NMUR2: variants seen among roughly 807,000 people sequenced by gnomAD.
The protein encoded by NMUR2 is neuromedin-U receptor 2.
Under a neutral mutation model 25.1 loss-of-function variants are expected in NMUR2, and 24 were observed. That is an observed-to-expected ratio of 0.96 (90% CI 0.69 to 1.34). The LOEUF (loss-of-function observed/expected upper bound fraction) is 1.34. Among genes scored for constraint, NMUR2 ranks in the 40% most tolerant of loss-of-function variants. The pLI is 0.00. For missense variants in NMUR2, 533 were observed against 512.8 expected, an observed-to-expected ratio of 1.04 and a Z score of -0.38; for synonymous variants, 218 against 208.1, an observed-to-expected ratio of 1.05 and a Z score of -0.41.
intron 2 of NMUR2, among the ~76,000 whole-genome samples, 198 bp from the exon 3 acceptor site, chr5:152,395,782 C>T (rs1223142149): frequency 1.3e-5 from 2 of 150,530 alleles, no homozygotes; most frequent in Admixed American, 6.6e-5. Context: ...TGTATAAGAT[C>T]TAGGATCAGT....
At chr5:152,394,256 G>A (rs1753112193) in intron 3 of NMUR2, among the ~76,000 whole-genome samples, 3 of 152,138 alleles carry the variant, frequency 2.0e-5, no homozygotes, top group Admixed American at 2.0e-4. Context: ...TTGAGCTTTG[G>A]TTGCAAATGG....
chr5:152,396,594 T>C (rs998105701), intron 2 of NMUR2, among the ~76,000 whole-genome samples: 2 of 152,128 alleles, frequency 1.3e-5, no homozygotes, highest in African/African-American at 4.8e-5. Context: ...CTGCCTACAA[T>C]TCCCTTTAAT....
intron 2 of NMUR2, 58 bp from the exon 3 acceptor site, chr5:152,395,642 A>G (rs775404603): frequency 2.6e-5 from 42 of 1,585,190 alleles, no homozygotes; most frequent in Non-Finnish European, 3.4e-5. Flanking sequence ...ATAGGTATAC[A>G]ATGCTCACTC....
chr5:152,398,605 C>A (rs1753203128), intron 1 of NMUR2, among the ~76,000 whole-genome samples: 1 of 152,040 alleles, frequency 6.6e-6, no homozygotes. Flanking sequence ...TGTGGATCTT[C>A]TCAGAGACTT....
intron 3 of NMUR2, among the ~76,000 whole-genome samples, chr5:152,393,771 G>T (rs1001900930): frequency 1.3e-5 from 2 of 152,112 alleles, no homozygotes; most frequent in African/African-American, 4.8e-5. Flanking sequence ...AGTGGGGGGT[G>T]ATTGAACTCT....
At position 152,398,107 on chromosome 5, in the gene NMUR2, T is replaced by C; in HGVS notation, c.764A>G (p.Asn255Ser). Residue 255 changes from asparagine to serine, a missense_variant, in exon 2 of 4, where the codon AAT (asparagine) becomes AGT (serine). Asn to Ser is a conservative substitution (Grantham distance 46, BLOSUM62 1). Transcript: ENST00000255262. ...TCTGCAGGGTCTTTGAATATTTGCA[T>C]TCCCTTCATCTGCCTCAAGAGATTT... ...KDKSLEADEGNANIQRPCRKS... is the reference protein window; with the variant it reads ...KDKSLEADEGSANIQRPCRKS... The C allele has an allele frequency of 6.2e-7, 1 of 1,613,436 alleles. No homozygotes were observed. The highest frequency in any genetic ancestry group is 8.5e-7 in the Non-Finnish European group (1 of 1,179,538).
At chr5:152,397,972 C>G (rs1350995985) in intron 2 of NMUR2, 88 bp downstream of exon 2, 9 of 867,126 alleles carry the variant, frequency 1.0e-5, no homozygotes, top group Admixed American at 2.1e-5. Context: ...TAAATTGGAA[C>G]CTACCCCAGC....
At chr5:152,393,519 A>T (rs960494461) in intron 3 of NMUR2, among the ~76,000 whole-genome samples, 10 of 152,194 alleles carry the variant, frequency 6.6e-5, no homozygotes, top group African/African-American at 2.4e-4. Flanking sequence ...AAAAATAAAT[A>T]TTGATTTAAC....
chr5:152,404,684 G>C lies in NMUR2; in HGVS notation c.430C>G (p.Arg144Gly), dbSNP rs774557750. The C allele has an allele frequency of 9.3e-6, 15 of 1,614,116 alleles. No homozygotes were observed. Among genetic ancestry groups the C allele is most frequent in the South Asian group, 4.4e-5 (4 of 91,076 alleles). The change falls in exon 1 of 4, where the codon CGC becomes GGC. Residue 144 changes from arginine to glycine, a missense_variant. Physicochemically the swap from Arg to Gly is moderately radical, Grantham distance 125. Coordinates refer to ENST00000255262, the MANE Select transcript of NMUR2 (RefSeq NM_020167.5). ...AACGGGTGTAGGATGGCCACGTAGC[G>C]CTCCACGCTGACGGTGGTGATGCTG... Reference protein sequence around the residue: ...ILSITTVSVERYVAILHPFRA... With the variant: ...ILSITTVSVEGYVAILHPFRA...
At chr5:152,404,255 A>G in intron 1 of NMUR2, 133 bp downstream of exon 1, 3 of 1,053,400 alleles carry the variant, frequency 2.8e-6, no homozygotes. Context: ...TCAATTTCCC[A>G]TCTGAGCTCA....
At chr5:152,395,128 A>T (rs902064642) in intron 3 of NMUR2, among the ~76,000 whole-genome samples, 1 of 152,150 alleles carries the variant, frequency 6.6e-6, no homozygotes, top group Admixed American at 6.5e-5. Context: ...TTTCAGGGAC[A>T]TGGGTGTTTA....
Position 152,397,961 on chromosome 5 carries a change from A to T in NMUR2, c.811+99T>A, listed in dbSNP as rs1051722276. 2.1e-5 allele frequency: 16 copies of T among 775,260 alleles called. No homozygotes were observed. In the Admixed American group the frequency reaches 3.6e-4, roughly 17 times the overall value. 48.0% of individuals were successfully genotyped at this position (775,260 alleles called of 1,614,324 possible). The stretch of plus-strand genomic sequence containing the variant: ...ACTCTCATAAATACTCTGTTTCAGG[A>T]TAAATTGGAACCTACCCCAGCAGCA... On this transcript the variant is annotated intron_variant, in intron 2 of 3. Transcript: ENST00000255262.
At position 152,402,677 on chromosome 5, in the gene NMUR2, G is replaced by A. The variant is rs7723574; in HGVS notation, c.726+1711C>T. Among the ~76,000 whole-genome samples, 123 of 152,266 alleles carry A rather than the reference G, an allele frequency of 8.1e-4. 2 individuals carry two copies. In the South Asian group the frequency reaches 0.017, roughly 21 times the overall value. Reference sequence around the variant, plus strand: ...CCAAAATAGGTGACTGTTTGGCATTGGATGAGGTAATATTAAGTGGGTGGG... The same window carrying A: ...CCAAAATAGGTGACTGTTTGGCATTAGATGAGGTAATATTAAGTGGGTGGG... On this transcript the variant is annotated intron_variant, in intron 1 of 3. Coordinates refer to ENST00000255262, the MANE Select transcript of NMUR2 (RefSeq NM_020167.5).
rs139456552 is a variant in NMUR2 at position 152,392,200 on chromosome 5, G to A, written c.1239C>T (p.Asn413=). ...TCAGCTCTGAAAGAATTCAGGTTTT[G>A]TTAAAGTGGAAGCTTTGATAGTTTG... ...SRTNYQSFHF[N]KT is the part of the protein sequence containing the mutation. Residue 413 remains asparagine, a synonymous_variant, in exon 4 of 4, where the codon AAC becomes AAT. Transcript: ENST00000255262. 3 of 1,610,072 alleles carry A rather than the reference G, an allele frequency of 1.9e-6. No individual in the cohort carries two copies. The highest frequency in any genetic ancestry group is 2.7e-5 in the African/African-American group (2 of 74,898).
intron 2 of NMUR2, among the ~76,000 whole-genome samples, chr5:152,396,184 G>A (rs1753144749): frequency 6.8e-6 from 1 of 146,992 alleles, no homozygotes; most frequent in South Asian, 2.2e-4. Flanking sequence ...GGGCATTTAA[G>A]CTCCACAAAT....
chr5:152,398,471 C>T (rs1482774759), intron 1 of NMUR2, among the ~76,000 whole-genome samples: 1 of 152,068 alleles, frequency 6.6e-6, no homozygotes, highest in Non-Finnish European at 1.5e-5. Flanking sequence ...AGAAAGGCTT[C>T]TCAATTCATT....
rs1365833091 is a variant in NMUR2 at position 152,404,503 on chromosome 5, C to T, written c.611G>A (p.Cys204Tyr). 2.5e-6 allele frequency: 4 copies of T among 1,614,108 alleles called. No individual in the cohort carries two copies. Among genetic ancestry groups the T allele is most frequent in the Non-Finnish European group, 3.4e-6 (4 of 1,180,008 alleles). The change falls in exon 1 of 4, where the codon TGT becomes TAT. Residue 204 changes from cysteine (C) to tyrosine (Y), a missense_variant. Cys to Tyr is a radical substitution (Grantham distance 194). Transcript: ENST00000255262. Reference sequence around the variant, plus strand: ...GATCCACATGGGCTTGATGACCGTACAGGTGGCCGAACCTGGGACCAGGGA... The same window carrying T: ...GATCCACATGGGCTTGATGACCGTATAGGTGGCCGAACCTGGGACCAGGGA... ...NGSLVPGSAT[C>Y]TVIKPMWIYN...
At chr5:152,398,343 A>G (rs576767556) in intron 1 of NMUR2, among the ~76,000 whole-genome samples, 199 bp from the exon 2 acceptor site, 1 of 152,330 alleles carries the variant, frequency 6.6e-6, no homozygotes, top group East Asian at 1.9e-4. Flanking sequence ...TGGATAAGTG[A>G]TTGTGGCCAA....
chr5:152,403,951 G>T (rs1753302199), intron 1 of NMUR2, among the ~76,000 whole-genome samples: 1 of 152,014 alleles, frequency 6.6e-6, no homozygotes, highest in Non-Finnish European at 1.5e-5. Context: ...CAGTGGCCAG[G>T]GGCTGGAAAG....
Sources: gnomAD v4.1 joint callset for allele counts (sites outside exome capture counted in the v4.1 genomes callset) on GRCh38, gnomAD v4.1.1 for gene constraint, MANE v1.5 for transcripts, NCBI Gene and HGNC (gene_info 2026-07-23, HGNC 2026-07-21) for gene names.